The following SPATS2 variants were observed in gnomAD, a reference collection of about 807,000 sequenced individuals.
The protein encoded by SPATS2 is spermatogenesis-associated serine-rich protein 2.
Under a neutral mutation model 63.7 loss-of-function variants are expected in SPATS2, and 38 were observed. The ratio of observed to expected loss-of-function variants is 0.60; its 90% CI spans 0.46 to 0.78. The LOEUF (loss-of-function observed/expected upper bound fraction) is 0.78. Among genes scored for constraint, SPATS2 ranks in the 30% least tolerant of loss-of-function variants. The pLI is 0.00. For synonymous variants in SPATS2, 207 were observed against 232.9 expected (o/e 0.89, Z 1.01); for missense variants, 588 against 666.2 (o/e 0.88, Z 1.29).
chr12:49,505,829 C>T (rs904114561), intron 9 of SPATS2, among the ~76,000 whole-genome samples: 1 of 152,156 alleles, frequency 6.6e-6, no homozygotes, highest in African/African-American at 2.4e-5. Context: ...CTATGATTTT[C>T]ATCTCATACC....
chr12:49,381,505 C>T (rs1182639623), intron 2 of SPATS2, among the ~76,000 whole-genome samples: 1 of 152,038 alleles, frequency 6.6e-6, no homozygotes, highest in Non-Finnish European at 1.5e-5. Flanking sequence ...AAATTAGAAA[C>T]GTGTATACAT....
intron 2 of SPATS2, among the ~76,000 whole-genome samples, chr12:49,398,492 G>T (rs1448216544): frequency 1.3e-5 from 2 of 152,152 alleles, no homozygotes; most frequent in Non-Finnish European, 2.9e-5. Flanking sequence ...GGTTAGGCGG[G>T]ATTGTATTGG....
chr12:49,379,040 C>T (rs1944161695), intron 2 of SPATS2, among the ~76,000 whole-genome samples: 1 of 151,882 alleles, frequency 6.6e-6, no homozygotes, highest in South Asian at 2.1e-4. Context: ...GCCTCAGCCT[C>T]CTCAGTAGCT....
At chr12:49,522,493 T>G (rs998744712) in intron 11 of SPATS2, among the ~76,000 whole-genome samples, 1 of 152,236 alleles carries the variant, frequency 6.6e-6, no homozygotes, top group Non-Finnish European at 1.5e-5. Context: ...TTTTTCTTTC[T>G]CTGTAGTTTC....
chr12:49,384,531 G>T (rs1944277609), intron 2 of SPATS2, among the ~76,000 whole-genome samples: 1 of 152,138 alleles, frequency 6.6e-6, no homozygotes, highest in African/African-American at 2.4e-5. Flanking sequence ...GTGTTTGTAT[G>T]TGCCTACATG....
intron 4 of SPATS2, 135 bp downstream of exon 4, chr12:49,484,804 G>A (rs762367680): frequency 4.3e-6 from 3 of 704,494 alleles, no homozygotes; most frequent in Non-Finnish European, 7.0e-6. Flanking sequence ...ATATCAGAGA[G>A]TGACGGCCAT....
Position 49,506,557 on chromosome 12 carries a change from T to C in SPATS2, c.839+6352T>C, listed in dbSNP as rs77297089. ...GGCCCCACCCTTGACACTTGGCGAT[T>C]ATTACAGTTGAAGGTGAGATTTGGG... is the stretch of plus-strand genomic sequence containing the variant. On this transcript the variant is annotated intron_variant, in intron 9 of 13. Coordinates refer to ENST00000552918, the MANE Select transcript of SPATS2 (RefSeq NM_023071.4). 6.5e-3 allele frequency among the ~76,000 whole-genome samples: 991 copies of C among 152,258 alleles called. 2 individuals carry two copies. Among genetic ancestry groups the C allele is most frequent in the Non-Finnish European group, 0.011 (768 of 68,022 alleles).
intron 3 of SPATS2, among the ~76,000 whole-genome samples, chr12:49,471,507 A>T (rs1946033222): frequency 6.6e-6 from 1 of 152,084 alleles, no homozygotes. Flanking sequence ...TTTTTAAAAA[A>T]TTTTTATAGA....
intron 3 of SPATS2, among the ~76,000 whole-genome samples, chr12:49,468,824 T>A (rs1281977861): frequency 6.6e-6 from 1 of 152,184 alleles, no homozygotes; most frequent in African/African-American, 2.4e-5. Context: ...ATAGAACTTT[T>A]GAGAACTGTG....
At chr12:49,504,851 C>G (rs1022344265) in intron 9 of SPATS2, among the ~76,000 whole-genome samples, 2 of 150,084 alleles carry the variant, frequency 1.3e-5, no homozygotes, top group African/African-American at 4.9e-5. Context: ...TCACTACAGC[C>G]TCCCAGGCTC....
At chr12:49,425,426 C>G (rs1176556195) in intron 2 of SPATS2, among the ~76,000 whole-genome samples, 4 of 152,102 alleles carry the variant, frequency 2.6e-5, no homozygotes, top group Non-Finnish European at 5.9e-5. Context: ...CTCAGGTGAT[C>G]CTCCTACCTT....
intron 2 of SPATS2, among the ~76,000 whole-genome samples, chr12:49,394,099 C>A (rs1313723246): frequency 6.6e-6 from 1 of 151,992 alleles, no homozygotes; most frequent in Non-Finnish European, 1.5e-5. Flanking sequence ...TGTAATCCCA[C>A]CACTTTGGGA....
Position 49,442,786 on chromosome 12 carries a change from T to TAAAAAAAAAAAAA in SPATS2, c.-243-17960_-243-17948dup, listed in dbSNP as rs71439499. 13 of 27,152 alleles carry TAAAAAAAAAAAAA rather than the reference T, an allele frequency of 4.8e-4. 5 individuals are homozygous for TAAAAAAAAAAAAA. The East Asian group carries it at 7.7e-3, about 16-fold the overall frequency. The allele number at this position is 27,152 out of a possible 1,614,324, so 1.7% of individuals were successfully genotyped here. ...GCAACAGAGAGAGACCATGTCTCCT[T>TAAAAAAAAAAAAA]AAAAAAAAAAAAAAAAAAAAAAAAA... On this transcript the variant is annotated intron_variant, in intron 2 of 13. Transcript: ENST00000552918.
intron 2 of SPATS2, among the ~76,000 whole-genome samples, chr12:49,421,018 A>C (rs1944971098): frequency 6.6e-6 from 1 of 152,218 alleles, no homozygotes; most frequent in Non-Finnish European, 1.5e-5. Flanking sequence ...AAAGGAAAAA[A>C]GAATGCTTGA....
chr12:49,476,146 C>G lies in SPATS2; in HGVS notation c.26-8444C>G, dbSNP rs1320240309. Among the ~76,000 whole-genome samples the G allele has an allele frequency of 2.0e-5, 3 of 152,256 alleles. No individual in the cohort carries two copies. In the South Asian group the frequency reaches 6.2e-4, roughly 32 times the overall value. ...CTGTGCCTATAAAAACCCAGAGACCCCAGCAGGAAGACACACAGGTGGCTG... is the reference window on the plus strand; with the variant it reads ...CTGTGCCTATAAAAACCCAGAGACCGCAGCAGGAAGACACACAGGTGGCTG... On this transcript the variant is annotated intron_variant, in intron 3 of 13. Transcript: ENST00000552918.
chr12:49,431,798 C>T (rs1003497803), intron 2 of SPATS2, among the ~76,000 whole-genome samples: 16 of 151,450 alleles, frequency 1.1e-4, no homozygotes, highest in African/African-American at 1.7e-4. Context: ...TTTGGGAGGC[C>T]GAGGCAGGAG....
intron 3 of SPATS2, among the ~76,000 whole-genome samples, chr12:49,467,297 C>T (rs989160744): frequency 2.0e-5 from 3 of 150,078 alleles, no homozygotes; most frequent in African/African-American, 4.9e-5. Flanking sequence ...ATCCTGACCT[C>T]GTGATCCGCC....
rs901370844 is a variant in SPATS2 at position 49,514,683 on chromosome 12, T to C, written c.898+70T>C. On this transcript the variant is annotated intron_variant, in intron 10 of 13. Coordinates refer to ENST00000552918, the MANE Select transcript of SPATS2 (RefSeq NM_023071.4). ...GTAGGTACCTACTTCCCAACCCTTA[T>C]AACAAAAGTTCCATATAAATACCAT... is the stretch of plus-strand genomic sequence containing the variant. The C allele has an allele frequency of 5.0e-6, 7 of 1,398,344 alleles. No individual in the cohort carries two copies. In the Admixed American group the frequency reaches 7.7e-5, roughly 15 times the overall value. 86.6% of individuals were successfully genotyped at this position (1,398,344 alleles called of 1,614,324 possible).
At chr12:49,495,051 G>A in intron 7 of SPATS2, 49 bp downstream of exon 7, 2 of 1,474,730 alleles carry the variant, frequency 1.4e-6, no homozygotes, top group South Asian at 1.5e-5. Context: ...TTGAAAAACA[G>A]GGTTCTCCTC....
Sources: gnomAD v4.1 joint callset for allele counts (sites outside exome capture counted in the v4.1 genomes callset) on GRCh38, gnomAD v4.1.1 for gene constraint, MANE v1.5 for transcripts, NCBI Gene and HGNC (gene_info 2026-07-23, HGNC 2026-07-21) for gene names.